Variants in MAGI2 observed in about 807,000 individuals in gnomAD.
MAGI2 encodes membrane-associated guanylate kinase, WW and PDZ domain-containing protein 2.
In MAGI2, 35 loss-of-function variants were observed where a neutral mutation model predicts 133.3. That is an observed-to-expected ratio of 0.26 (90% CI 0.20 to 0.35). MAGI2 has a LOEUF of 0.35. MAGI2 is among the 10% of genes least tolerant of loss of function. The pLI, the probability that MAGI2 is intolerant of heterozygous loss-of-function variation, is 1.00. For missense variants in MAGI2, 1,636 were observed against 1,863.4 expected (o/e 0.88, Z 2.25); for synonymous variants, 729 against 710.6 (o/e 1.03, Z -0.41).
intron 2 of MAGI2, among the ~76,000 whole-genome samples, chr7:78,773,338 A>G (rs1036558924): frequency 1.3e-5 from 2 of 152,214 alleles, no homozygotes; most frequent in African/African-American, 4.8e-5. Flanking sequence ...AAAAAAAAAA[A>G]GATTGATATA....
chr7:78,715,044 T>C (rs1045742404), intron 2 of MAGI2, among the ~76,000 whole-genome samples: 1 of 152,218 alleles, frequency 6.6e-6, no homozygotes, highest in Admixed American at 6.5e-5. Flanking sequence ...TAGCCTTTGT[T>C]AAGGAGAGAG....
intron 1 of MAGI2, among the ~76,000 whole-genome samples, chr7:79,154,079 T>C (rs1229822644): frequency 1.3e-5 from 2 of 152,168 alleles, no homozygotes; most frequent in African/African-American, 4.8e-5. Context: ...TTTTCTGACT[T>C]AAGAAAGAAA....
intron 2 of MAGI2, among the ~76,000 whole-genome samples, chr7:78,740,673 CAATT>C (rs1822327048): frequency 6.6e-6 from 1 of 152,110 alleles, no homozygotes; most frequent in African/African-American, 2.4e-5. Context: ...AGAGACCAGT[CAATT>C]AAGTAATTCA....
chr7:79,217,722 C>A (rs900971183), intron 1 of MAGI2, among the ~76,000 whole-genome samples: 1 of 151,958 alleles, frequency 6.6e-6, no homozygotes, highest in African/African-American at 2.4e-5. Flanking sequence ...ATACATTGAG[C>A]AAATTATGTC....
chr7:78,549,977 G>A (rs1327149805), intron 3 of MAGI2, among the ~76,000 whole-genome samples: 4 of 152,150 alleles, frequency 2.6e-5, no homozygotes, highest in Admixed American at 2.0e-4. Context: ...GGAAATGATT[G>A]GGTTTTCAGG....
At chr7:78,589,827 T>G (rs568396430) in intron 3 of MAGI2, among the ~76,000 whole-genome samples, 1 of 152,332 alleles carries the variant, frequency 6.6e-6, no homozygotes, top group South Asian at 2.1e-4. Flanking sequence ...AGTAATGCAG[T>G]CTAAGTAAAA....
intron 2 of MAGI2, among the ~76,000 whole-genome samples, chr7:78,725,777 C>T (rs1209723122): frequency 1.3e-5 from 2 of 152,132 alleles, no homozygotes; most frequent in African/African-American, 2.4e-5. Context: ...CCAGCCTGGG[C>T]GTCAGAGGGA....
At chr7:78,075,090 C>T (rs900621257) in intron 21 of MAGI2, among the ~76,000 whole-genome samples, 3 of 152,198 alleles carry the variant, frequency 2.0e-5, no homozygotes, top group African/African-American at 4.8e-5. Flanking sequence ...GCTGAACCTG[C>T]TTTGCTTCTG....
intron 6 of MAGI2, among the ~76,000 whole-genome samples, chr7:78,379,091 A>C (rs1217131845): frequency 6.6e-6 from 1 of 152,040 alleles, no homozygotes; most frequent in East Asian, 1.9e-4. Flanking sequence ...ATCAGTACAA[A>C]GACAAACATT....
intron 1 of MAGI2, among the ~76,000 whole-genome samples, chr7:79,270,617 T>G (rs1834805690): frequency 6.6e-6 from 1 of 152,172 alleles, no homozygotes; most frequent in African/African-American, 2.4e-5. Flanking sequence ...TGACTTCAAG[T>G]GTTATACAGG....
rs117525801 is a variant in MAGI2 at position 78,210,837 on chromosome 7, G to A, written c.2048-9644C>T. On this transcript the variant is annotated intron_variant, in intron 10 of 21. Transcript: ENST00000354212. ...AGACTTTTTATTGGTTTGTCAGAGA[G>A]GAGGGTCACTGGTGACCTCAGTGGA... 7.9e-3 allele frequency among the ~76,000 whole-genome samples: 1,209 copies of A among 152,262 alleles called. 53 individuals carry two copies. The highest frequency in any genetic ancestry group is 0.068 in the Admixed American group (1,043 of 15,282).
intron 1 of MAGI2, among the ~76,000 whole-genome samples, chr7:79,014,457 A>T (rs1179622602): frequency 1.3e-5 from 2 of 152,172 alleles, no homozygotes; most frequent in Non-Finnish European, 2.9e-5. Context: ...TAATGTACCA[A>T]TGGCTAATAC....
At chr7:79,067,888 T>C (rs1470176354) in intron 1 of MAGI2, among the ~76,000 whole-genome samples, 1 of 152,232 alleles carries the variant, frequency 6.6e-6, no homozygotes, top group Non-Finnish European at 1.5e-5. Context: ...ATTGGTTCTG[T>C]TTATGAGATG....
At chr7:78,744,516 A>G (rs2151262463) in intron 2 of MAGI2, among the ~76,000 whole-genome samples, 1 of 152,272 alleles carries the variant, frequency 6.6e-6, no homozygotes, top group South Asian at 2.1e-4. Context: ...ATTCCCTGCT[A>G]GTCCCACTAA....
Position 78,256,066 on chromosome 7 carries a change from C to T in MAGI2, c.1924G>A (p.Glu642Lys), listed in dbSNP as rs1348443472. The T allele has an allele frequency of 1.2e-6, 2 of 1,613,732 alleles. No individual in the cohort carries two copies. The highest frequency in any genetic ancestry group is 1.1e-5 in the South Asian group (1 of 91,008). The change falls in exon 10 of 22, where the codon GAA (glutamate) becomes AAA (lysine). Residue 642 changes from glutamate (E) to lysine (K), a missense_variant. Glu to Lys is a moderately conservative substitution (Grantham distance 56). This residue lies in a region of MAGI2 where 920 missense variants were observed against 1,093.5 expected (regional missense o/e 0.84). Coordinates refer to ENST00000354212, the MANE Select transcript of MAGI2 (RefSeq NM_012301.4). ...TTGATCTCAACAATGAGGTCGCCTT[C>T]ACACAGGCCAGGGCATCCCTGAATG... ...LDIQGCPGLC[E>K]GDLIVEINQQ...
chr7:78,146,964 C>T (rs988673857), intron 16 of MAGI2, among the ~76,000 whole-genome samples: 4 of 152,188 alleles, frequency 2.6e-5, no homozygotes, highest in South Asian at 2.1e-4. Context: ...CCAAGCCCTC[C>T]GGCAGATAAT....
chr7:78,259,988 C>T (rs941312947), intron 9 of MAGI2, among the ~76,000 whole-genome samples: 3 of 152,128 alleles, frequency 2.0e-5, no homozygotes, highest in Non-Finnish European at 4.4e-5. Context: ...TTTTTCAAGT[C>T]ATCAGGCAAG....
intron 2 of MAGI2, among the ~76,000 whole-genome samples, chr7:78,885,085 A>G (rs546735235): frequency 3.2e-4 from 49 of 152,312 alleles, no homozygotes; most frequent in African/African-American, 1.2e-3. Flanking sequence ...GTTCTCTCTT[A>G]TGAGTGGGAG....
chr7:79,365,641 T>C (rs1842651542), intron 1 of MAGI2, among the ~76,000 whole-genome samples: 1 of 151,926 alleles, frequency 6.6e-6, no homozygotes, highest in South Asian at 2.1e-4. Flanking sequence ...GCAGATCACT[T>C]GAGGTCAGGA....
Sources: allele counts gnomAD v4.1 joint callset (sites outside exome capture counted in the v4.1 genomes callset), GRCh38; gene constraint gnomAD v4.1.1; regional missense constraint gnomAD v4.1.1; transcripts MANE v1.5; gene names NCBI Gene and HGNC (gene_info 2026-07-23, HGNC 2026-07-21).